PLXNC1: variants seen among roughly 807,000 people sequenced by gnomAD.
PLXNC1 encodes the protein plexin-C1.
Under a neutral mutation model 178.2 loss-of-function variants are expected in PLXNC1, and 75 were observed. The observed-to-expected ratio is 0.42, with a 90% CI of 0.35 to 0.51. PLXNC1 has a LOEUF of 0.51. PLXNC1 is among the 20% of genes least tolerant of loss of function. PLXNC1 has a pLI of 0.02. For synonymous variants in PLXNC1, 790 were observed against 779.9 expected (o/e 1.01, Z -0.22); for missense variants, 1,503 against 1,984.4 (o/e 0.76, Z 4.61).
intron 9 of PLXNC1, among the ~76,000 whole-genome samples, chr12:94,234,296 C>T (rs2136042152): frequency 6.6e-6 from 1 of 152,258 alleles, no homozygotes; most frequent in Admixed American, 6.5e-5. Flanking sequence ...ACAAAAGGTA[C>T]TCTTACTGTC....
Position 94,305,911 on chromosome 12 carries a change from T to C in PLXNC1, c.*626T>C, listed in dbSNP as rs1428126393. On this transcript the variant is annotated 3_prime_UTR_variant, in exon 31 of 31. Transcript: ENST00000258526. ...CTCGTGTTTTTCAGTGGTCATCAACTGCACTCCATCAAACTCACCTCCATT... is the reference window on the plus strand; with the variant it reads ...CTCGTGTTTTTCAGTGGTCATCAACCGCACTCCATCAAACTCACCTCCATT... The C allele has an allele frequency of 6.6e-6, 1 of 152,086 alleles. No homozygotes were observed. Among genetic ancestry groups the C allele is most frequent in the African/African-American group, 2.4e-5 (1 of 41,350 alleles). 9.4% of individuals were successfully genotyped at this position (152,086 alleles called of 1,614,324 possible). A position where few individuals can be genotyped will look rare whatever the true frequency, so the allele number is the denominator to read the frequency against.
chr12:94,207,336 T>C (rs1282981324), intron 4 of PLXNC1, among the ~76,000 whole-genome samples: 1 of 152,146 alleles, frequency 6.6e-6, no homozygotes, highest in African/African-American at 2.4e-5. Context: ...TTTTATACTT[T>C]CTTTTCCCTT....
intron 23 of PLXNC1, among the ~76,000 whole-genome samples, chr12:94,290,781 G>A (rs555417357): frequency 1.3e-5 from 2 of 152,374 alleles, no homozygotes; most frequent in African/African-American, 4.8e-5. Context: ...GGAAGGCAAG[G>A]TCCAAATTAA....
intron 23 of PLXNC1, among the ~76,000 whole-genome samples, chr12:94,284,837 G>T (rs1966730334): frequency 6.6e-6 from 1 of 152,220 alleles, no homozygotes; most frequent in African/African-American, 2.4e-5. Context: ...CTTATCCCAA[G>T]AACAGTGGGA....
intron 5 of PLXNC1, among the ~76,000 whole-genome samples, chr12:94,218,454 C>T (rs1963705030): frequency 6.6e-6 from 1 of 152,146 alleles, no homozygotes; most frequent in South Asian, 2.1e-4. Flanking sequence ...GTTGTCTAGA[C>T]TATGGCTCTT....
At chr12:94,164,661 GCA>G (rs3060912) in intron 1 of PLXNC1, among the ~76,000 whole-genome samples, 6,130 of 148,612 alleles carry the variant, frequency 0.041, 152 homozygotes, top group Middle Eastern at 0.095. Context: ...ATGACTCCCT[GCA>G]CACACACACA....
At chr12:94,289,327 C>G (rs1299690941) in intron 23 of PLXNC1, among the ~76,000 whole-genome samples, 1 of 152,108 alleles carries the variant, frequency 6.6e-6, no homozygotes, top group Admixed American at 6.6e-5. Context: ...TGGGGTGGCC[C>G]CAATTCCCCT....
chr12:94,245,721 G>C (rs974178119), intron 12 of PLXNC1, among the ~76,000 whole-genome samples: 20 of 152,148 alleles, frequency 1.3e-4, no homozygotes, highest in African/African-American at 4.8e-4. Flanking sequence ...CAGGTACAGA[G>C]GACAGAGTCC....
intron 3 of PLXNC1, among the ~76,000 whole-genome samples, chr12:94,184,475 T>A (rs1343568311): frequency 6.6e-6 from 1 of 150,412 alleles, no homozygotes; most frequent in African/African-American, 2.5e-5. Context: ...CAGGCTGGAG[T>A]GCAGTGGTGT....
chr12:94,159,274 T>G (rs1234004879), intron 1 of PLXNC1, among the ~76,000 whole-genome samples: 1 of 152,234 alleles, frequency 6.6e-6, no homozygotes, highest in African/African-American at 2.4e-5. Context: ...CATCTAATCC[T>G]CACTGCAACT....
At chr12:94,220,283 C>A in intron 6 of PLXNC1, 120 bp downstream of exon 6, 4 of 903,242 alleles carry the variant, frequency 4.4e-6, no homozygotes, top group East Asian at 5.1e-5. Flanking sequence ...TCCCTCACTA[C>A]CCCCTGGTTC....
chr12:94,302,295 T>A (rs748960722), intron 28 of PLXNC1, among the ~76,000 whole-genome samples: 4 of 152,230 alleles, frequency 2.6e-5, no homozygotes, highest in Non-Finnish European at 5.9e-5. Flanking sequence ...GAACTTGTTC[T>A]CACACCCCTT....
intron 22 of PLXNC1, among the ~76,000 whole-genome samples, chr12:94,280,904 C>T (rs919953121): frequency 6.6e-5 from 10 of 152,232 alleles, no homozygotes; most frequent in Non-Finnish European, 1.5e-4. Flanking sequence ...CCTGGGGACA[C>T]AGCCTATCAG....
At position 94,298,617 on chromosome 12, in the gene PLXNC1, T is replaced by G; in HGVS notation, c.4075-15T>G. 1 of 1,570,894 alleles carries G rather than the reference T, an allele frequency of 6.4e-7. No homozygotes were observed. Among genetic ancestry groups the G allele is most frequent in the Non-Finnish European group, 8.6e-7 (1 of 1,164,138 alleles). Reference sequence around the variant, plus strand: ...AGTTTTTAATCTCCCAAATCTGATGTTGTCTATCTTTCAGGTGGCAATTCA... The same window carrying G: ...AGTTTTTAATCTCCCAAATCTGATGGTGTCTATCTTTCAGGTGGCAATTCA... On this transcript the variant is annotated splice_polypyrimidine_tract_variant and intron_variant, in intron 26 of 30. Transcript: ENST00000258526.
chr12:94,218,172 A>G (rs1963697145), intron 5 of PLXNC1, among the ~76,000 whole-genome samples: 1 of 152,230 alleles, frequency 6.6e-6, no homozygotes, highest in African/African-American at 2.4e-5. Flanking sequence ...AAGATGAGTT[A>G]GTGGGAATGG....
intron 1 of PLXNC1, among the ~76,000 whole-genome samples, chr12:94,153,846 A>G (rs1383391162): frequency 6.6e-6 from 1 of 152,234 alleles, no homozygotes; most frequent in Non-Finnish European, 1.5e-5. Context: ...GCTGCCCAAC[A>G]GAGAGCAACC....
chr12:94,282,116 C>T, intron 22 of PLXNC1, 182 bp from the exon 23 acceptor site: 1 of 525,268 alleles, frequency 1.9e-6, no homozygotes. Flanking sequence ...CATCAGAGCC[C>T]TAAACAAACA....
chr12:94,226,250 C>T (rs1963935356), intron 7 of PLXNC1, among the ~76,000 whole-genome samples: 1 of 152,104 alleles, frequency 6.6e-6, no homozygotes, highest in African/African-American at 2.4e-5. Flanking sequence ...TTTTGGAAGG[C>T]AGAGTGGGTA....
intron 2 of PLXNC1, among the ~76,000 whole-genome samples, chr12:94,177,895 A>G (rs1347806364): frequency 6.6e-6 from 1 of 152,214 alleles, no homozygotes; most frequent in Non-Finnish European, 1.5e-5. Flanking sequence ...GTTTCACCTC[A>G]ACATATTTCG....
Sources: allele counts gnomAD v4.1 joint callset (sites outside exome capture counted in the v4.1 genomes callset), GRCh38; gene constraint gnomAD v4.1.1; transcripts MANE v1.5; gene names NCBI Gene and HGNC (gene_info 2026-07-23, HGNC 2026-07-21).